TRIP12: variants seen among roughly 807,000 people sequenced by gnomAD.
The protein encoded by TRIP12 is thyroid hormone receptor interactor 12, also known as E3 ubiquitin-protein ligase TRIP12.
TRIP12 carries 25 observed loss-of-function variants against 244.2 expected under a neutral mutation model. That is an observed-to-expected ratio of 0.10 (90% CI 0.07 to 0.14). TRIP12 has a LOEUF of 0.14. TRIP12 is among the 10% of genes least tolerant of loss of function. The pLI, the probability that TRIP12 is intolerant of heterozygous loss-of-function variation, is 1.00. For missense variants in TRIP12, 1,677 were observed against 2,486.4 expected, an observed-to-expected ratio of 0.67 and a Z score of 6.92; for synonymous variants, 905 against 873.1, an observed-to-expected ratio of 1.04 and a Z score of -0.64.
Position 229,859,795 on chromosome 2 carries a change from T to G in TRIP12, c.225-221A>C, listed in dbSNP as rs1329234221. Among the ~76,000 whole-genome samples the G allele has an allele frequency of 2.0e-5, 3 of 152,222 alleles. No individual in the cohort carries two copies. The East Asian group carries it at 5.8e-4, about 29-fold the overall frequency. Reference sequence around the variant, plus strand: ...ATCTGATTAAAAGATAAGGGTGTTCTTTAGCCCAAAGATTACTGACACTAA... The same window carrying G: ...ATCTGATTAAAAGATAAGGGTGTTCGTTAGCCCAAAGATTACTGACACTAA... On this transcript the variant is annotated intron_variant, in intron 3 of 41. Transcript: ENST00000675903.
In TRIP12 at chr2:229,815,700, T is replaced by G. The variant is rs909325650; in HGVS notation, c.1600-392A>C. ...AAACAGGATCAGCAATGCACTGACATTTGTTAACAAATGTCAGCACAGATT... is the reference window on the plus strand; with the variant it reads ...AAACAGGATCAGCAATGCACTGACAGTTGTTAACAAATGTCAGCACAGATT... On this transcript the variant is annotated intron_variant, in intron 9 of 41. Coordinates refer to ENST00000675903, the MANE Select transcript of TRIP12 (RefSeq NM_001348323.3). Among the ~76,000 whole-genome samples, 3 of 150,118 alleles carry G rather than the reference T, an allele frequency of 2.0e-5. No homozygotes were observed. In the South Asian group the frequency reaches 6.2e-4, roughly 31 times the overall value.
chr2:229,795,388 T>G, intron 25 of TRIP12, 58 bp from the exon 26 acceptor site: 1 of 1,547,048 alleles, frequency 6.5e-7, no homozygotes, highest in Non-Finnish European at 8.7e-7. Flanking sequence ...AAAAGTCTCC[T>G]CAAAGAGAAG....
chr2:229,851,755 C>T (rs2058752630), intron 4 of TRIP12, among the ~76,000 whole-genome samples: 1 of 152,030 alleles, frequency 6.6e-6, no homozygotes, highest in South Asian at 2.1e-4. Flanking sequence ...GTAACACTCA[C>T]CGCGCAGCTT....
chr2:229,870,592 A>G (rs2062386514), intron 2 of TRIP12, among the ~76,000 whole-genome samples: 1 of 152,258 alleles, frequency 6.6e-6, no homozygotes, highest in Admixed American at 6.5e-5. Flanking sequence ...AATTTCAGTA[A>G]GATAAGGTCT....
At position 229,796,705 on chromosome 2, in the gene TRIP12, T is replaced by C. The variant is rs1315615780; in HGVS notation, c.3702A>G (p.Gln1234=). Residue 1234 remains glutamine, a synonymous_variant, in exon 25 of 42, where the codon CAA becomes CAG. Coordinates refer to ENST00000675903, the MANE Select transcript of TRIP12 (RefSeq NM_001348323.3). Reference sequence around the variant, plus strand: ...ACAGCTGCTTCACAAATCCACTATGTTGGATTTCAAATGATGAAACATCTG... The same window carrying C: ...ACAGCTGCTTCACAAATCCACTATGCTGGATTTCAAATGATGAAACATCTG... ...SESDVSSFEI[Q]HSGFVKQLLL... The C allele has an allele frequency of 1.9e-6, 3 of 1,611,846 alleles. No homozygotes were observed. In the African/African-American group the frequency reaches 4.0e-5, roughly 22 times the overall value.
intron 5 of TRIP12, among the ~76,000 whole-genome samples, chr2:229,840,478 G>A (rs1346825323): frequency 9.9e-5 from 15 of 152,122 alleles, no homozygotes. Flanking sequence ...GAGGAGGGTG[G>A]ATCACTTGAG....
intron 18 of TRIP12, 125 bp downstream of exon 18, chr2:229,805,605 C>T: frequency 9.6e-7 from 1 of 1,039,606 alleles, no homozygotes; most frequent in Non-Finnish European, 1.3e-6. Flanking sequence ...AAATCGAAAA[C>T]CAAATTATTG....
At chr2:229,873,766 C>T (rs113329219) in intron 2 of TRIP12, among the ~76,000 whole-genome samples, 8 of 152,062 alleles carry the variant, frequency 5.3e-5, no homozygotes, top group African/African-American at 1.7e-4. Flanking sequence ...AAATAGAAGG[C>T]TATATCCTAT....
At chr2:229,920,117 CT>C (rs571491820) in intron 1 of TRIP12, among the ~76,000 whole-genome samples, 32 of 152,256 alleles carry the variant, frequency 2.1e-4, no homozygotes, top group Admixed American at 1.8e-3. Context: ...GGCCTCTTGC[CT>C]TTTTTTCTAA....
intron 1 of TRIP12, among the ~76,000 whole-genome samples, chr2:229,917,374 C>T (rs142400177): frequency 0.079 from 4,638 of 58,676 alleles, 334 homozygotes; most frequent in African/African-American, 0.26. Context: ...GAGCGAGACT[C>T]TGTCTCAAAA....
At chr2:229,895,397 GAAGA>G (rs941442107) in intron 1 of TRIP12, among the ~76,000 whole-genome samples, 5 of 151,834 alleles carry the variant, frequency 3.3e-5, no homozygotes, top group African/African-American at 1.2e-4. Flanking sequence ...GTAGAAGAGT[GAAGA>G]AATGTGAGAC....
intron 1 of TRIP12, among the ~76,000 whole-genome samples, chr2:229,913,869 C>T (rs972433029): frequency 6.6e-6 from 1 of 152,064 alleles, no homozygotes. Flanking sequence ...TAAGACAGAA[C>T]GTGAAAGTCA....
chr2:229,883,443 A>T (rs761058270), intron 1 of TRIP12, among the ~76,000 whole-genome samples: 6 of 152,248 alleles, frequency 3.9e-5, no homozygotes, highest in Admixed American at 6.5e-5. Context: ...TACACTGCTA[A>T]AAGTTATGTT....
intron 4 of TRIP12, among the ~76,000 whole-genome samples, chr2:229,854,019 A>C (rs936892608): frequency 6.6e-6 from 1 of 152,152 alleles, no homozygotes; most frequent in African/African-American, 2.4e-5. Context: ...AAAATTATGC[A>C]ATTTTATTTG....
chr2:229,848,488 G>GA (rs1553688129), intron 4 of TRIP12, among the ~76,000 whole-genome samples: 1 of 151,836 alleles, frequency 6.6e-6, no homozygotes, highest in Non-Finnish European at 1.5e-5. Context: ...AAACATGGGG[G>GA]AAAAAAAGCA....
chr2:229,870,311 A>G (rs2062323233), intron 2 of TRIP12, among the ~76,000 whole-genome samples: 1 of 152,232 alleles, frequency 6.6e-6, no homozygotes, highest in Non-Finnish European at 1.5e-5. Context: ...GAGGCCTAAA[A>G]GTTAAGCCTT....
chr2:229,859,436 G>C lies in TRIP12; in HGVS notation c.363C>G (p.Asp121Glu). The C allele has an allele frequency of 6.2e-7, 1 of 1,614,150 alleles. No homozygotes were observed. The highest frequency in any genetic ancestry group is 8.5e-7 in the Non-Finnish European group (1 of 1,180,028). ...SRGVKRSASP[D>E]YNRTNSPSSA... ...AGCTAGGAGAATTGGTCCTGTTGTA[G>C]TCTGGACTAGCACTGCGCTTCACTC... is the stretch of plus-strand genomic sequence containing the variant. The change falls in exon 4 of 42, where the codon GAC becomes GAG. Residue 121 changes from aspartate (D) to glutamate (E), a missense_variant. Around this residue, in one of 11 missense-constraint regions of TRIP12, gnomAD observed 387 missense variants for 392.6 expected, o/e 0.99. Coordinates refer to ENST00000675903, the MANE Select transcript of TRIP12 (RefSeq NM_001348323.3).
chr2:229,892,130 TAAAC>T (rs1455095885), intron 1 of TRIP12, among the ~76,000 whole-genome samples: 4 of 151,928 alleles, frequency 2.6e-5, no homozygotes, highest in Non-Finnish European at 2.9e-5. Flanking sequence ...AAAGAGAAAA[TAAAC>T]AAACTATATG....
chr2:229,889,222 A>G (rs2066764585), intron 1 of TRIP12, among the ~76,000 whole-genome samples: 1 of 152,244 alleles, frequency 6.6e-6, no homozygotes, highest in Non-Finnish European at 1.5e-5. Flanking sequence ...TGAATCTGTG[A>G]TTAACAGGTG....
Sources: gnomAD v4.1 joint callset for allele counts (sites outside exome capture counted in the v4.1 genomes callset) on GRCh38, gnomAD v4.1.1 for gene constraint, gnomAD v4.1.1 regional missense constraint, MANE v1.5 for transcripts, NCBI Gene and HGNC (gene_info 2026-07-23, HGNC 2026-07-21) for gene names.